Variants in CSGALNACT1 observed in about 807,000 individuals in gnomAD.
The protein encoded by CSGALNACT1 is chondroitin sulfate N-acetylgalactosaminyltransferase 1, also known as beta4GalNAcT-1.
A neutral mutation model predicts 51.0 loss-of-function variants in CSGALNACT1; 52 were observed. The ratio of observed to expected loss-of-function variants is 1.02; its 90% confidence interval spans 0.82 to 1.29. The LOEUF is 1.29. Among genes scored for constraint, CSGALNACT1 ranks in the 50% most tolerant of loss-of-function variants. The pLI is 0.00. For missense variants in CSGALNACT1, 935 were observed against 679.2 expected, an observed-to-expected ratio of 1.38 and a Z score of -4.19; for synonymous variants, 341 against 254.4, an observed-to-expected ratio of 1.34 and a Z score of -3.24.
chr8:19,694,647 G>A (rs943717584), intron 1 of CSGALNACT1, among the ~76,000 whole-genome samples: 2 of 152,184 alleles, frequency 1.3e-5, no homozygotes, highest in African/African-American at 4.8e-5. Flanking sequence ...TTCTAGAATA[G>A]GAAAGGGCAT....
At chr8:19,692,051 A>G (rs1430678564) in intron 1 of CSGALNACT1, among the ~76,000 whole-genome samples, 2 of 110,792 alleles carry the variant, frequency 1.8e-5, no homozygotes, top group African/African-American at 3.9e-5. Flanking sequence ...AGCAGAAGAG[A>G]AAGAGCAAGC....
rs745690948 is a variant in CSGALNACT1, at chr8:19,439,907, C to G, written c.876G>C (p.Gly292=). 1 of 1,613,998 alleles carries G rather than the reference C, an allele frequency of 6.2e-7. No homozygotes were observed. The highest frequency in any genetic ancestry group is 8.5e-7 in the Non-Finnish European group (1 of 1,180,002). Reference sequence around the variant, plus strand: ...AGTAAACAACAGTGAGATGGACTCTCCCATCCTGCTCAATGCACATCTCCC... The same window carrying G: ...AGTAAACAACAGTGAGATGGACTCTGCCATCCTGCTCAATGCACATCTCCC... Residue 292 remains glycine, a synonymous_variant, in exon 6 of 10, where the codon GGG becomes GGC. Transcript: ENST00000454498.
chr8:19,734,878 A>G (rs1355553473), intron 1 of CSGALNACT1, among the ~76,000 whole-genome samples: 1 of 152,116 alleles, frequency 6.6e-6, no homozygotes, highest in Non-Finnish European at 1.5e-5. Flanking sequence ...TATACATTAT[A>G]AATGTATATC....
At chr8:19,475,693 T>C (rs1441760432) in intron 4 of CSGALNACT1, among the ~76,000 whole-genome samples, 1 of 152,192 alleles carries the variant, frequency 6.6e-6, no homozygotes, top group Non-Finnish European at 1.5e-5. Flanking sequence ...AAGATGAGGT[T>C]TGTCAACCCA....
intron 8 of CSGALNACT1, among the ~76,000 whole-genome samples, chr8:19,417,751 G>C (rs2057163681): frequency 1.3e-5 from 2 of 152,174 alleles, no homozygotes; most frequent in Admixed American, 6.5e-5. Context: ...CCAGAACACA[G>C]CTTCAGACAA....
intron 3 of CSGALNACT1, among the ~76,000 whole-genome samples, chr8:19,530,167 G>T (rs915945814): frequency 6.6e-6 from 1 of 152,122 alleles, no homozygotes; most frequent in Admixed American, 6.5e-5. Flanking sequence ...GTTGCAGTGA[G>T]CCAAGATCAC....
At chr8:19,667,036 GAAGGAAGA>G (rs1206279523) in intron 1 of CSGALNACT1, among the ~76,000 whole-genome samples, 334 of 28,454 alleles carry the variant, frequency 0.012, 11 homozygotes, top group East Asian at 0.017. Context: ...AGGAAGGAAG[GAAGGAAGA>G]AAGAAAGAAA....
At chr8:19,483,742 G>A (rs113381235) in intron 4 of CSGALNACT1, among the ~76,000 whole-genome samples, 27 of 152,272 alleles carry the variant, frequency 1.8e-4, no homozygotes, top group Admixed American at 1.4e-3. Flanking sequence ...AGGGCCAGCT[G>A]GGAAACTCTC....
At chr8:19,430,558 C>T (rs1210037813) in intron 6 of CSGALNACT1, among the ~76,000 whole-genome samples, 2 of 152,118 alleles carry the variant, frequency 1.3e-5, no homozygotes, top group Admixed American at 1.3e-4. Flanking sequence ...GCTTTCCATC[C>T]ATTGATCTAT....
At chr8:19,598,372 T>A (rs1169091939) in intron 2 of CSGALNACT1, among the ~76,000 whole-genome samples, 3 of 152,176 alleles carry the variant, frequency 2.0e-5, no homozygotes, top group African/African-American at 4.8e-5. Context: ...GTGACACTGA[T>A]TAAAAGCTTA....
chr8:19,593,474 G>A (rs1386146655), intron 2 of CSGALNACT1, among the ~76,000 whole-genome samples: 1 of 152,178 alleles, frequency 6.6e-6, no homozygotes, highest in African/African-American at 2.4e-5. Flanking sequence ...GGGGCCCAAT[G>A]GCTCTCAAGT....
intron 1 of CSGALNACT1, among the ~76,000 whole-genome samples, chr8:19,659,786 T>C (rs2058607997): frequency 6.6e-6 from 1 of 152,198 alleles, no homozygotes; most frequent in African/African-American, 2.4e-5. Context: ...CAGAGCACTG[T>C]CTGCCCAGAC....
intron 1 of CSGALNACT1, among the ~76,000 whole-genome samples, chr8:19,666,969 AAGAAAGAAAGAAAGAAAGAAAGAAAG>A (rs2059334514): frequency 1.4e-4 from 1 of 7,178 alleles, no homozygotes; most frequent in African/African-American, 9.7e-4. Flanking sequence ...GAAAGAAAGA[AAGAAAGAAAGAAAGAAAGAAAGAAAG>A]AAAGAAAGAA....
At chr8:19,752,093 G>T (rs1345194134) in intron 1 of CSGALNACT1, among the ~76,000 whole-genome samples, 1 of 144,042 alleles carries the variant, frequency 6.9e-6, no homozygotes, top group Non-Finnish European at 1.5e-5. Context: ...GATGATAAAT[G>T]ATATACATTA....
intron 4 of CSGALNACT1, among the ~76,000 whole-genome samples, chr8:19,480,751 T>G (rs1490252174): frequency 2.0e-5 from 3 of 152,186 alleles, no homozygotes; most frequent in Non-Finnish European, 4.4e-5. Context: ...AGACAAGGGC[T>G]CATTTCTCTT....
intron 4 of CSGALNACT1, among the ~76,000 whole-genome samples, chr8:19,468,146 A>C (rs550942014): frequency 1.3e-5 from 2 of 149,430 alleles, no homozygotes; most frequent in South Asian, 4.3e-4. Flanking sequence ...ATCTCCACCT[A>C]CTGGAGGGTC....
At chr8:19,708,613 G>T (rs1163695555) in intron 1 of CSGALNACT1, among the ~76,000 whole-genome samples, 1 of 152,154 alleles carries the variant, frequency 6.6e-6, no homozygotes, top group Non-Finnish European at 1.5e-5. Context: ...TCCATTAAAA[G>T]AACTCAGCAA....
At chr8:19,527,341 C>T (rs1006725371) in intron 3 of CSGALNACT1, among the ~76,000 whole-genome samples, 2 of 152,264 alleles carry the variant, frequency 1.3e-5, no homozygotes, top group Admixed American at 1.3e-4. Context: ...TGGCTCACAC[C>T]TGTAATCTCA....
rs143784213 is a variant in CSGALNACT1, at chr8:19,594,035, A to G, written c.-415-2757T>C. Among the ~76,000 whole-genome samples the G allele has an allele frequency of 2.4e-3, 363 of 152,294 alleles. 3 individuals are homozygous for G. The highest frequency in any genetic ancestry group is 9.4e-4 in the Non-Finnish European group (64 of 68,028). The stretch of plus-strand genomic sequence containing the variant: ...ATTGAGGGTGCTGGTGGAATATGCC[A>G]TGAAGATGGTCAGGAGTGTGCATCT... On this transcript the variant is annotated intron_variant, in intron 2 of 9. Transcript: ENST00000454498.
Sources: gnomAD v4.1 joint callset for allele counts (sites outside exome capture counted in the v4.1 genomes callset) on GRCh38, gnomAD v4.1.1 for gene constraint, MANE v1.5 for transcripts, NCBI Gene and HGNC (gene_info 2026-07-23, HGNC 2026-07-21) for gene names.